The following DSCAM variants were observed in gnomAD, a reference collection of about 807,000 sequenced individuals.
DSCAM encodes the protein DS cell adhesion molecule.
A neutral mutation model predicts 217.7 loss-of-function variants in DSCAM; 47 were observed. The ratio of observed to expected loss-of-function variants is 0.22; its 90% CI spans 0.17 to 0.28. The LOEUF (loss-of-function observed/expected upper bound fraction) is 0.28, where lower values mean the gene tolerates loss of function less well. Ranked by LOEUF, DSCAM falls within the 10% of genes least tolerant of loss-of-function variation. The pLI is 1.00. For missense variants in DSCAM, 2,080 were observed against 2,618.3 expected, an observed-to-expected ratio of 0.79 and a Z score of 4.49; for synonymous variants, 1,056 against 1,015.3, an observed-to-expected ratio of 1.04 and a Z score of -0.76.
rs182707663 is a variant in DSCAM, at chr21:40,139,894, G to C, written c.3406+2664C>G. Among the ~76,000 whole-genome samples the C allele has an allele frequency of 2.6e-4, 39 of 150,558 alleles. 1 individual carries two copies. Among genetic ancestry groups the C allele is most frequent in the Middle Eastern group, 3.5e-3 (1 of 288 alleles). ...TGTGTTGTGTGTGCATGTGGGGTGT[G>C]TGAGGTGTGGTGTGTGTGGTGAGTG... On this transcript the variant is annotated intron_variant, in intron 18 of 32. Transcript: ENST00000400454.
At chr21:40,840,675 C>T (rs937762588) in intron 1 of DSCAM, among the ~76,000 whole-genome samples, 10 of 152,088 alleles carry the variant, frequency 6.6e-5, no homozygotes, top group African/African-American at 2.4e-4. Context: ...AAGCCACAGG[C>T]GTTTCTGGAA....
rs140860261 is a variant in DSCAM at position 40,463,132 on chromosome 21, C to T, written c.509-93887G>A. 2.3e-3 allele frequency among the ~76,000 whole-genome samples: 347 copies of T among 152,120 alleles called. 6 individuals carry two copies. Among genetic ancestry groups the T allele is most frequent in the African/African-American group, 8.1e-3 (335 of 41,490 alleles). The stretch of plus-strand genomic sequence containing the variant: ...AATTTCATATTATTCAGCCTAATAA[C>T]GAGCATTGTAATATACTTCCTTAGG... On this transcript the variant is annotated intron_variant, in intron 3 of 32. Coordinates refer to ENST00000400454, the MANE Select transcript of DSCAM (RefSeq NM_001389.5).
chr21:40,558,643 T>C (rs75533752), intron 3 of DSCAM, among the ~76,000 whole-genome samples: 5,345 of 152,252 alleles, frequency 0.035, 324 homozygotes, highest in African/African-American at 0.12. Flanking sequence ...TTGATAGTTC[T>C]CTTCATAGCT....
intron 16 of DSCAM, among the ~76,000 whole-genome samples, chr21:40,145,136 T>C (rs1215056245): frequency 6.6e-6 from 1 of 152,162 alleles, no homozygotes; most frequent in Non-Finnish European, 1.5e-5. Context: ...CGTCTCCAGG[T>C]ACGCTTACGA....
chr21:40,042,268 C>T, intron 32 of DSCAM, 103 bp downstream of exon 32: 1 of 1,223,312 alleles, frequency 8.2e-7, no homozygotes, highest in Non-Finnish European at 1.1e-6. Context: ...AACAGAGCAC[C>T]CATTTGGTCT....
At chr21:40,756,977 G>GTGTGTGTA (rs2091282972) in intron 1 of DSCAM, among the ~76,000 whole-genome samples, 1 of 26,548 alleles carries the variant, frequency 3.8e-5, no homozygotes, top group African/African-American at 1.3e-4. Context: ...ACAAATGGTC[G>GTGTGTGTA]TGTGTGTGTG....
intron 28 of DSCAM, among the ~76,000 whole-genome samples, chr21:40,062,156 C>T (rs547213367): frequency 6.6e-6 from 1 of 152,302 alleles, no homozygotes; most frequent in African/African-American, 2.4e-5. Flanking sequence ...AGTTTGGGGA[C>T]GTGAAAGTAA....
At chr21:40,789,914 G>A (rs773684301) in intron 1 of DSCAM, among the ~76,000 whole-genome samples, 2 of 152,108 alleles carry the variant, frequency 1.3e-5, no homozygotes, top group Non-Finnish European at 2.9e-5. Flanking sequence ...GAATTCTACC[G>A]TTAGGAGTCA....
rs968702695 is a variant in DSCAM, at chr21:40,121,044, A to G, written c.3696+3151T>C. Among the ~76,000 whole-genome samples, 3 of 152,178 alleles carry G rather than the reference A, an allele frequency of 2.0e-5. 1 individual carries two copies. The highest frequency in any genetic ancestry group is 4.4e-5 in the Non-Finnish European group (3 of 68,034). On this transcript the variant is annotated intron_variant, in intron 20 of 32. Coordinates refer to ENST00000400454, the MANE Select transcript of DSCAM (RefSeq NM_001389.5). ...ATATTGTGTCCTGATTTATCCCCCT[A>G]TGTTCTACATTTAACTATGAAATCA...
At chr21:40,399,671 C>T (rs2065688991) in intron 3 of DSCAM, among the ~76,000 whole-genome samples, 1 of 152,160 alleles carries the variant, frequency 6.6e-6, no homozygotes, top group Non-Finnish European at 1.5e-5. Flanking sequence ...GCAATGTGCT[C>T]AGCAAAAAAT....
chr21:40,771,448 G>GA (rs991677988), intron 1 of DSCAM, among the ~76,000 whole-genome samples: 1 of 152,176 alleles, frequency 6.6e-6, no homozygotes, highest in Admixed American at 6.5e-5. Flanking sequence ...AGAACCCCTT[G>GA]AAAATGTGTT....
intron 4 of DSCAM, among the ~76,000 whole-genome samples, chr21:40,355,126 G>GTTTGTA (rs1675609029): frequency 1.3e-5 from 2 of 152,088 alleles, no homozygotes; most frequent in Non-Finnish European, 2.9e-5. Flanking sequence ...AGCAAATAAA[G>GTTTGTA]ATAATTTAGT....
chr21:40,825,550 T>G (rs1048356636), intron 1 of DSCAM, among the ~76,000 whole-genome samples: 3 of 152,140 alleles, frequency 2.0e-5, no homozygotes, highest in Non-Finnish European at 4.4e-5. Context: ...ACTCCCCACC[T>G]TAGGCAATCT....
intron 3 of DSCAM, among the ~76,000 whole-genome samples, chr21:40,415,079 G>A (rs1601624474): frequency 6.6e-6 from 1 of 152,282 alleles, no homozygotes; most frequent in Middle Eastern, 3.4e-3. Flanking sequence ...GAGAAAAAAA[G>A]ACCTGGAATT....
chr21:40,538,022 G>C (rs1458294634), intron 3 of DSCAM, among the ~76,000 whole-genome samples: 1 of 152,176 alleles, frequency 6.6e-6, no homozygotes, highest in Non-Finnish European at 1.5e-5. Flanking sequence ...CTAAGTGGTA[G>C]GTGAGTGAGT....
chr21:40,131,463 T>A lies in DSCAM; in HGVS notation c.3562+2391A>T, dbSNP rs143330171. On this transcript the variant is annotated intron_variant, in intron 19 of 32. Coordinates refer to ENST00000400454, the MANE Select transcript of DSCAM (RefSeq NM_001389.5). The stretch of plus-strand genomic sequence containing the variant: ...CTTTTTGAGACAGAGTCTCGATCCG[T>A]CACCCAGGCTGGAGTGCAGTTGCAC... 9.7e-3 allele frequency among the ~76,000 whole-genome samples: 1,480 copies of A among 152,268 alleles called. 23 individuals carry two copies. The highest frequency in any genetic ancestry group is 0.034 in the African/African-American group (1,396 of 41,550).
chr21:40,049,131 A>C (rs1220175669), intron 30 of DSCAM, among the ~76,000 whole-genome samples: 1 of 152,212 alleles, frequency 6.6e-6, no homozygotes, highest in Non-Finnish European at 1.5e-5. Context: ...AATTCAGCAC[A>C]AAGGACAGAA....
At chr21:40,080,991 G>A (rs1250391750) in intron 24 of DSCAM, among the ~76,000 whole-genome samples, 1 of 152,172 alleles carries the variant, frequency 6.6e-6, no homozygotes, top group African/African-American at 2.4e-5. Flanking sequence ...GCCAAGCCCT[G>A]TCCTAAGCCC....
intron 20 of DSCAM, among the ~76,000 whole-genome samples, chr21:40,110,194 G>T (rs1031682991): frequency 6.6e-6 from 1 of 152,118 alleles, no homozygotes; most frequent in East Asian, 1.9e-4. Context: ...ACCTCACACG[G>T]CCAGGTACTC....
Sources: gnomAD v4.1 joint callset for allele counts (sites outside exome capture counted in the v4.1 genomes callset) on GRCh38, gnomAD v4.1.1 for gene constraint, MANE v1.5 for transcripts, NCBI Gene and HGNC (gene_info 2026-07-23, HGNC 2026-07-21) for gene names.